CPVL: variants seen among roughly 807,000 people sequenced by gnomAD.
The protein encoded by CPVL is carboxypeptidase vitellogenic like.
CPVL carries 51 observed loss-of-function variants against 63.7 expected under a neutral mutation model. The ratio of observed to expected loss-of-function variants is 0.80; its 90% confidence interval spans 0.64 to 1.01. CPVL has a LOEUF of 1.01. CPVL is among the 50% of genes least tolerant of loss of function. The pLI is 0.00. For missense variants in CPVL, 530 were observed against 573.1 expected (o/e 0.92, Z 0.77); for synonymous variants, 195 against 206.0 (o/e 0.95, Z 0.46).
chr7:29,139,024 G>C (rs1487331286), intron 1 of CPVL, among the ~76,000 whole-genome samples: 1 of 152,146 alleles, frequency 6.6e-6, no homozygotes, highest in Non-Finnish European at 1.5e-5. Context: ...CTGCTGAGTG[G>C]GTTTCAACTT....
chr7:29,194,910 T>A (rs1255694940), intron 1 of CPVL: 2 of 1,528,302 alleles, frequency 1.3e-6, no homozygotes, highest in African/African-American at 2.9e-5. Context: ...GCACCGGGGC[T>A]GAGCGAGCAG....
At chr7:29,092,788 C>T (rs1415419497) in intron 5 of CPVL, 86 bp from the exon 6 acceptor site, 2 of 966,704 alleles carry the variant, frequency 2.1e-6, no homozygotes, top group Admixed American at 1.9e-5. Flanking sequence ...TGGAAGGTGA[C>T]CTTGTTCCAA....
upstream of CPVL, chr7:29,147,260 T>C (rs984214686): frequency 5.7e-6 from 2 of 347,886 alleles, no homozygotes; most frequent in Non-Finnish European, 1.1e-5. Flanking sequence ...GTCATCATTA[T>C]CAGCAACAGC....
intron 5 of CPVL, among the ~76,000 whole-genome samples, chr7:29,160,919 T>C (rs1795088902): frequency 6.6e-6 from 1 of 152,354 alleles, no homozygotes; most frequent in Non-Finnish European, 1.5e-5. Context: ...AGATTAATTT[T>C]ATAAATATCT....
At chr7:29,009,335 G>C (rs1305854782) in intron 12 of CPVL, 1 of 151,994 alleles carries the variant, frequency 6.6e-6, no homozygotes, top group Non-Finnish European at 1.5e-5. Context: ...TGTTTGCTGA[G>C]ATCATGGAAT....
At chr7:29,174,435 C>G (rs535224640) in intron 5 of CPVL, among the ~76,000 whole-genome samples, 30 of 152,118 alleles carry the variant, frequency 2.0e-4, no homozygotes, top group African/African-American at 4.8e-4. Context: ...GCTTCTCCCC[C>G]AAGAGGGACA....
chr7:29,156,462 A>G (rs1425642493), intron 5 of CPVL, among the ~76,000 whole-genome samples: 1 of 152,212 alleles, frequency 6.6e-6, no homozygotes, highest in Non-Finnish European at 1.5e-5. Context: ...TCTGAGGAAA[A>G]AAAAGTTAAA....
chr7:29,076,893 C>T (rs776628581), intron 7 of CPVL, among the ~76,000 whole-genome samples: 4 of 152,106 alleles, frequency 2.6e-5, no homozygotes, highest in Admixed American at 1.3e-4. Flanking sequence ...TCTTGGTTTG[C>T]GATTTTTTTT....
Position 29,155,329 on chromosome 7 carries a change from C to T in CPVL, c.-11+25961G>A, listed in dbSNP as rs180701954. Among the ~76,000 whole-genome samples the T allele has an allele frequency of 3.9e-5, 6 of 152,222 alleles. No homozygotes were observed. In the East Asian group the frequency reaches 9.6e-4, roughly 24 times the overall value. On this transcript the variant is annotated intron_variant, in intron 5 of 16. Transcript: ENST00000409850. ...CAAAAATAAATAAATAGAACTCTTT[C>T]CAATGCTAAGAGGAAAGACAAGGCT...
chr7:29,184,949 CT>C (rs1798529854), intron 3 of CPVL, among the ~76,000 whole-genome samples: 1 of 152,178 alleles, frequency 6.6e-6, no homozygotes, highest in South Asian at 2.1e-4. Flanking sequence ...AGCTAAAATA[CT>C]TTCGCCTCTC....
At position 29,060,310 on chromosome 7, in the gene CPVL, G is replaced by C. The variant is rs538308492; in HGVS notation, c.1137+3751C>G. Among the ~76,000 whole-genome samples the C allele has an allele frequency of 7.9e-5, 12 of 152,298 alleles. No homozygotes were observed. In the East Asian group the frequency reaches 2.3e-3, roughly 29 times the overall value. ...ATAGACAAGGAAGCCAAAGCGCAGAGAGTTTAAGTTTCCTCTCCCAAAGGA... is the reference window on the plus strand; with the variant it reads ...ATAGACAAGGAAGCCAAAGCGCAGACAGTTTAAGTTTCCTCTCCCAAAGGA... On this transcript the variant is annotated intron_variant, in intron 11 of 12. Transcript: ENST00000265394.
chr7:29,139,534 G>A (rs775743435), intron 1 of CPVL, among the ~76,000 whole-genome samples: 2 of 151,926 alleles, frequency 1.3e-5, no homozygotes, highest in East Asian at 3.9e-4. Flanking sequence ...CTATTCTTGG[G>A]GGGGCAGGGG....
At chr7:29,119,666 C>G (rs1302617329) in intron 2 of CPVL, among the ~76,000 whole-genome samples, 1 of 152,244 alleles carries the variant, frequency 6.6e-6, no homozygotes, top group South Asian at 2.1e-4. Context: ...AAGATTTTCA[C>G]GTGCCTTATC....
intron 1 of CPVL, among the ~76,000 whole-genome samples, chr7:29,129,598 A>G (rs1319369611): frequency 6.6e-6 from 1 of 151,726 alleles, no homozygotes. Context: ...CCTCCCAAGT[A>G]GCTGGGGCTA....
intron 1 of CPVL, among the ~76,000 whole-genome samples, chr7:29,131,241 T>C (rs1790663158): frequency 6.6e-6 from 1 of 152,060 alleles, no homozygotes; most frequent in African/African-American, 2.4e-5. Context: ...ATAATTAGCA[T>C]TTTCAAATAA....
intron 10 of CPVL, among the ~76,000 whole-genome samples, chr7:29,065,728 C>T (rs1361373462): frequency 6.6e-6 from 1 of 152,104 alleles, no homozygotes; most frequent in Non-Finnish European, 1.5e-5. Context: ...AACTCCAATC[C>T]CAGCCTGTGT....
At chr7:29,087,337 T>C (rs987323377) in intron 6 of CPVL, among the ~76,000 whole-genome samples, 4 of 145,860 alleles carry the variant, frequency 2.7e-5, no homozygotes, top group Admixed American at 7.2e-5. Context: ...GACAGAAGAA[T>C]CACTTCAACC....
chr7:29,042,194 T>A (rs138861061), intron 11 of CPVL, among the ~76,000 whole-genome samples: 2 of 152,182 alleles, frequency 1.3e-5, no homozygotes, highest in Non-Finnish European at 2.9e-5. Flanking sequence ...GATACTCCCA[T>A]AATAGCTATC....
Position 29,112,894 on chromosome 7 carries a change from C to T in CPVL, c.170-72G>A, listed in dbSNP as rs1322993779. 1.2e-5 allele frequency: 12 copies of T among 1,031,022 alleles called. No individual in the cohort carries two copies. The Admixed American group carries it at 2.1e-4, about 18-fold the overall frequency. 63.9% of individuals were successfully genotyped at this position (1,031,022 alleles called of 1,614,324 possible). ...CAACAAAAATGTGAGCCATCTATCT[C>T]AGTCTGGATGAAATGGAGTGATTAG... On this transcript the variant is annotated intron_variant, in intron 2 of 12. Transcript: ENST00000265394.
Sources: gnomAD v4.1 joint callset for allele counts (sites outside exome capture counted in the v4.1 genomes callset) on GRCh38, gnomAD v4.1.1 for gene constraint, MANE v1.5 for transcripts, NCBI Gene and HGNC (gene_info 2026-07-23, HGNC 2026-07-21) for gene names.